The following LINGO1 variants were observed in gnomAD, a reference collection of about 807,000 sequenced individuals.
LINGO1 encodes the protein leucine rich repeat and Ig domain containing 1.
In LINGO1, 11 loss-of-function variants were observed where a neutral mutation model predicts 37.3. The observed-to-expected ratio is 0.29, with a 90% CI of 0.19 to 0.49. LINGO1 has a LOEUF of 0.49. LINGO1 is among the 20% of genes least tolerant of loss of function. The pLI, the probability that LINGO1 is intolerant of heterozygous loss-of-function variation, is 0.99. For missense variants in LINGO1, 585 were observed against 878.2 expected (o/e 0.67, Z 4.22); for synonymous variants, 387 against 403.0 (o/e 0.96, Z 0.48).
Position 77,614,278 on chromosome 15 carries a change from G to A in LINGO1, c.1629C>T (p.Ser543=). 1 of 1,614,048 alleles carries A rather than the reference G, an allele frequency of 6.2e-7. No individual in the cohort carries two copies. The highest frequency in any genetic ancestry group is 8.5e-7 in the Non-Finnish European group (1 of 1,179,900). ...SNQPGEGEAN[S]TRATVPFPFD... ...AGGGGAAAGGCACAGTGGCGCGGGTGCTGTTGGCCTCTCCCTCGCCCGGCT... is the reference window on the plus strand; with the variant it reads ...AGGGGAAAGGCACAGTGGCGCGGGTACTGTTGGCCTCTCCCTCGCCCGGCT... The change falls in exon 2 of 2, where the codon AGC becomes AGT. Residue 543 remains serine, a synonymous_variant. Transcript: ENST00000355300.
chr15:77,807,107 G>A (rs1339292646), intron 1 of LINGO1, among the ~76,000 whole-genome samples: 7 of 152,240 alleles, frequency 4.6e-5, no homozygotes. Context: ...CTTCCTCCTT[G>A]ACCCAGTTCA....
At chr15:77,682,313 T>C (rs2075430310) in intron 2 of LINGO1, among the ~76,000 whole-genome samples, 2 of 146,308 alleles carry the variant, frequency 1.4e-5, no homozygotes. Flanking sequence ...TGTGTGTGTG[T>C]AGTGTCTCGT....
intron 2 of LINGO1, among the ~76,000 whole-genome samples, chr15:77,710,294 A>G (rs2075902923): frequency 6.6e-6 from 1 of 152,222 alleles, no homozygotes; most frequent in Non-Finnish European, 1.5e-5. Flanking sequence ...TTGCCAGCCC[A>G]GGCGGCCCAG....
chr15:77,668,594 C>T (rs141500516), intron 3 of LINGO1, among the ~76,000 whole-genome samples: 371 of 152,264 alleles, frequency 2.4e-3, no homozygotes, highest in Non-Finnish European at 4.6e-3. Flanking sequence ...ATGCACTTTA[C>T]GTGCCAGGGT....
At chr15:77,680,329 CAG>C (rs759129566) in intron 2 of LINGO1, among the ~76,000 whole-genome samples, 1 of 152,194 alleles carries the variant, frequency 6.6e-6, no homozygotes, top group Non-Finnish European at 1.5e-5. Flanking sequence ...ACTGAGAGTT[CAG>C]AGAGTACCGG....
At chr15:77,700,372 CTG>C (rs1174504713), upstream of LINGO1, among the ~76,000 whole-genome samples, 1 of 152,224 alleles carries the variant, frequency 6.6e-6, no homozygotes, top group Non-Finnish European at 1.5e-5. Context: ...AGCTTTTCAA[CTG>C]TGTGGGCCTC....
intron 3 of LINGO1, among the ~76,000 whole-genome samples, chr15:77,641,482 C>A (rs1281567930): frequency 6.6e-6 from 1 of 152,190 alleles, no homozygotes; most frequent in African/African-American, 2.4e-5. Context: ...TGCTTGTCCA[C>A]TAATATGCCT....
At chr15:77,620,279 C>T (rs1234909114) in intron 1 of LINGO1, among the ~76,000 whole-genome samples, 1 of 152,242 alleles carries the variant, frequency 6.6e-6, no homozygotes, top group African/African-American at 2.4e-5. Flanking sequence ...ACATCAAAGA[C>T]AGGCAGGTGG....
intron 1 of LINGO1, among the ~76,000 whole-genome samples, chr15:77,627,410 G>A (rs990255907): frequency 1.3e-5 from 2 of 152,104 alleles, no homozygotes; most frequent in African/African-American, 2.4e-5. Context: ...GGAGGGCCTC[G>A]CGGGTCGGGG....
chr15:77,632,134 A>G lies in LINGO1; in HGVS notation c.6+176T>C, dbSNP rs1037798729. Among the ~76,000 whole-genome samples the G allele has an allele frequency of 2.0e-5, 3 of 152,156 alleles. No homozygotes were observed. Among genetic ancestry groups the G allele is most frequent in the Non-Finnish European group, 4.4e-5 (3 of 67,998 alleles). ...TGGAGAGAGGGGAGGTGGAAAAGGA[A>G]GAATTTTCATTTCTGAGGCTTGAGG... On this transcript the variant is annotated intron_variant, in intron 1 of 1. Coordinates refer to ENST00000355300, the MANE Select transcript of LINGO1 (RefSeq NM_032808.7). This position sits in a 1 kb window ranked among gnomAD's most constrained non-coding sequence, Gnocchi z 6.0.
intron 1 of LINGO1, among the ~76,000 whole-genome samples, chr15:77,777,653 T>C (rs1043439055): frequency 1.3e-5 from 2 of 152,128 alleles, no homozygotes; most frequent in African/African-American, 2.4e-5. Context: ...TCAGCCAGGC[T>C]CAGTGGCTCA....
intron 3 of LINGO1, among the ~76,000 whole-genome samples, chr15:77,668,327 A>T (rs1567507092): frequency 6.6e-6 from 1 of 152,140 alleles, no homozygotes; most frequent in Non-Finnish European, 1.5e-5. Flanking sequence ...ACAAACACTA[A>T]AGCCAGAGAG....
At chr15:77,631,215 C>T (rs986763710) in intron 1 of LINGO1, among the ~76,000 whole-genome samples, 1 of 152,174 alleles carries the variant, frequency 6.6e-6, no homozygotes, top group East Asian at 1.9e-4. Flanking sequence ...GGGCTATGCG[C>T]CCTCTGGCTG....
At chr15:77,663,999 T>C (rs2075057332) in intron 3 of LINGO1, among the ~76,000 whole-genome samples, 1 of 152,118 alleles carries the variant, frequency 6.6e-6, no homozygotes, top group South Asian at 2.1e-4. Context: ...CGGGCAAGCC[T>C]TGCCTTCGGA....
chr15:77,615,878 C>T lies in LINGO1; in HGVS notation c.29G>A (p.Gly10Glu), dbSNP rs899690622. 6.8e-7 allele frequency: 1 copy of T among 1,471,654 alleles called. No individual in the cohort carries two copies. 91.2% of individuals were successfully genotyped at this position (1,471,654 alleles called of 1,614,324 possible). A position where few individuals can be genotyped will look rare whatever the true frequency, so the allele number is the denominator to read the frequency against. The stretch of plus-strand genomic sequence containing the variant: ...GGGGCTGGGCATGCTCCTCACGCCC[C>T]CCGCCAGCATCCTCTTGCTCACCTG... MQVSKRMLAGGVRSMPSPLL... is the reference protein window; with the variant it reads MQVSKRMLAEGVRSMPSPLL... Residue 10 changes from glycine (G) to glutamate (E), a missense_variant, in exon 2 of 2, where the codon GGG becomes GAG. Gly to Glu is a moderately conservative substitution (Grantham distance 98). Around this residue, in one of 4 missense-constraint regions of LINGO1, gnomAD observed 65 missense variants for 57.0 expected, o/e 1.14. Coordinates refer to ENST00000355300, the MANE Select transcript of LINGO1 (RefSeq NM_032808.7).
intron 2 of LINGO1, among the ~76,000 whole-genome samples, chr15:77,734,514 C>A (rs1361640830): frequency 2.0e-5 from 3 of 151,810 alleles, no homozygotes; most frequent in African/African-American, 7.3e-5. Flanking sequence ...TCACAGAGTA[C>A]AACCAGGCCC....
intron 1 of LINGO1, among the ~76,000 whole-genome samples, chr15:77,805,000 C>A (rs942315223): frequency 4.6e-5 from 7 of 152,176 alleles, no homozygotes; most frequent in African/African-American, 1.7e-4. Context: ...TGCTCCTGAC[C>A]CCTCCAGGGG....
At chr15:77,723,092 G>C (rs2076067112) in intron 2 of LINGO1, among the ~76,000 whole-genome samples, 1 of 152,142 alleles carries the variant, frequency 6.6e-6, no homozygotes, top group Non-Finnish European at 1.5e-5. Flanking sequence ...CTAGTTTTCT[G>C]TCTGTCGTTA....
At chr15:77,622,201 G>GGAGAGGGAAA (rs1339805698) in intron 1 of LINGO1, among the ~76,000 whole-genome samples, 5 of 152,154 alleles carry the variant, frequency 3.3e-5, no homozygotes, top group African/African-American at 1.2e-4. Flanking sequence ...GGGGAGAGCA[G>GGAGAGGGAAA]GAGAGGGAAA....
Sources: gnomAD v4.1 joint callset for allele counts (sites outside exome capture counted in the v4.1 genomes callset) on GRCh38, gnomAD v4.1.1 for gene constraint, gnomAD v4.1.1 regional missense constraint, Gnocchi (gnomAD v3.1) non-coding constraint, MANE v1.5 for transcripts, NCBI Gene and HGNC (gene_info 2026-07-23, HGNC 2026-07-21) for gene names.